The following FGF14 variants were observed in gnomAD, a reference collection of about 807,000 sequenced individuals.
The protein encoded by FGF14 is fibroblast growth factor 14.
Under a neutral mutation model 25.5 loss-of-function variants are expected in FGF14, and 5 were observed. That is an observed-to-expected ratio of 0.20 (90% confidence interval 0.10 to 0.41). The LOEUF is 0.41. FGF14 is among the 10% of genes least tolerant of loss of function. The probability of loss-of-function intolerance (pLI) is 1.00; values close to 1 mark genes in which losing one functional copy is unlikely to be tolerated. For missense variants in FGF14, 222 were observed against 320.1 expected (o/e 0.69, Z 2.34); for synonymous variants, 138 against 118.3 (o/e 1.17, Z -1.08).
At chr13:102,303,156 G>C (rs2055165345) in intron 1 of FGF14, among the ~76,000 whole-genome samples, 1 of 152,144 alleles carries the variant, frequency 6.6e-6, no homozygotes, top group African/African-American at 2.4e-5. Context: ...TGCGCTGGCT[G>C]CTCCCTTTGC....
At chr13:102,105,090 C>A (rs747987852) in intron 1 of FGF14, among the ~76,000 whole-genome samples, 7 of 152,120 alleles carry the variant, frequency 4.6e-5, no homozygotes, top group African/African-American at 7.2e-5. Context: ...CAAACACTTG[C>A]CCCACTATTG....
At position 101,800,061 on chromosome 13, in the gene FGF14, T is replaced by TA. The variant is rs200790153; in HGVS notation, c.408+68663dup. On this transcript the variant is annotated intron_variant, in intron 3 of 4. Coordinates refer to ENST00000376143, the MANE Select transcript of FGF14 (RefSeq NM_004115.4). ...CCACAGACACGTCTCCATAGAGACA[T>TA]AAAAAAAATGGCCCTTTATTTTAAT... Among the ~76,000 whole-genome samples, 580 of 151,954 alleles carry TA rather than the reference T, an allele frequency of 3.8e-3. 3 individuals are homozygous for TA. Among genetic ancestry groups the TA allele is most frequent in the African/African-American group, 0.013 (523 of 41,466 alleles).
intron 1 of FGF14, among the ~76,000 whole-genome samples, chr13:101,886,973 C>T (rs551768684): frequency 1.3e-5 from 2 of 152,058 alleles, no homozygotes; most frequent in South Asian, 2.1e-4. Context: ...CAGAAAAATG[C>T]AAATCAAAGC....
intron 3 of FGF14, among the ~76,000 whole-genome samples, chr13:101,853,081 A>C (rs1594487333): frequency 6.6e-6 from 1 of 152,082 alleles, no homozygotes; most frequent in Non-Finnish European, 1.5e-5. Flanking sequence ...GGTGTATAAG[A>C]GACACAATGA....
At chr13:101,810,134 T>A (rs1044994497) in intron 3 of FGF14, among the ~76,000 whole-genome samples, 1 of 152,162 alleles carries the variant, frequency 6.6e-6, no homozygotes, top group Non-Finnish European at 1.5e-5. Context: ...AATTTCTAGG[T>A]CCAAAAGTTG....
chr13:101,922,853 TCAAATGAA>T (rs2034101207), intron 1 of FGF14, among the ~76,000 whole-genome samples: 1 of 151,930 alleles, frequency 6.6e-6, no homozygotes, highest in Non-Finnish European at 1.5e-5. Flanking sequence ...TATTTATCCT[TCAAATGAA>T]CAAAAAAATC....
At chr13:101,759,026 G>T (rs924083490) in intron 3 of FGF14, among the ~76,000 whole-genome samples, 38 of 152,210 alleles carry the variant, frequency 2.5e-4, no homozygotes, top group African/African-American at 9.2e-4. Flanking sequence ...TTTAGAGCAT[G>T]CCAGAGCTCT....
chr13:102,191,765 A>G (rs1160530356), intron 1 of FGF14, among the ~76,000 whole-genome samples: 6 of 152,208 alleles, frequency 3.9e-5, no homozygotes, highest in African/African-American at 1.4e-4. Context: ...TCTAAATCAA[A>G]TATAAGTAAG....
intron 1 of FGF14, 82 bp from the exon 2 acceptor site, chr13:101,875,378 T>G: frequency 1.0e-6 from 1 of 960,322 alleles, no homozygotes; most frequent in South Asian, 1.3e-5. Context: ...CTTTCTTTTT[T>G]CAGAAGAGGA....
chr13:102,284,441 T>C (rs1331090680), intron 1 of FGF14, among the ~76,000 whole-genome samples: 1 of 152,150 alleles, frequency 6.6e-6, no homozygotes, highest in East Asian at 1.9e-4. Context: ...TTACTTTGGA[T>C]AAAGTTTAAC....
chr13:102,084,940 A>C (rs1261116022), intron 1 of FGF14, among the ~76,000 whole-genome samples: 1 of 152,210 alleles, frequency 6.6e-6, no homozygotes, highest in Non-Finnish European at 1.5e-5. Context: ...CTACTATCAC[A>C]AGTTTTGGAC....
intron 1 of FGF14, among the ~76,000 whole-genome samples, chr13:102,157,761 C>T (rs925345651): frequency 2.6e-5 from 4 of 152,122 alleles, no homozygotes; most frequent in African/African-American, 9.7e-5. Flanking sequence ...AAAGTTTTTG[C>T]AATCTACTCA....
At position 101,745,988 on chromosome 13, in the gene FGF14, GA is replaced by G. The variant is rs145275809; in HGVS notation, c.409-19179del. On this transcript the variant is annotated intron_variant, in intron 3 of 4. Transcript: ENST00000376143. ...TGTCCTAGAAAGAATGTGATAGAAAGAAAGAACAGATCAATTCAGCGGAGAT... is the reference window on the plus strand; with the variant it reads ...TGTCCTAGAAAGAATGTGATAGAAAGAAGAACAGATCAATTCAGCGGAGAT... Among the ~76,000 whole-genome samples, 57 of 152,144 alleles carry G rather than the reference GA, an allele frequency of 3.7e-4. No homozygotes were observed. The East Asian group carries it at 8.1e-3, about 22-fold the overall frequency.
chr13:102,080,829 A>T (rs76163059), intron 1 of FGF14, among the ~76,000 whole-genome samples: 1,651 of 152,292 alleles, frequency 0.011, 25 homozygotes, highest in African/African-American at 0.037. Context: ...TAGATTTGTC[A>T]TATTGTGCCA....
At chr13:102,213,178 TC>T (rs1253166734) in intron 1 of FGF14, among the ~76,000 whole-genome samples, 4 of 152,146 alleles carry the variant, frequency 2.6e-5, no homozygotes, top group Non-Finnish European at 5.9e-5. Flanking sequence ...ATACATCAAA[TC>T]AAGTGAACAA....
chr13:102,249,483 T>C (rs979013034), intron 1 of FGF14, among the ~76,000 whole-genome samples: 1 of 152,096 alleles, frequency 6.6e-6, no homozygotes, highest in Non-Finnish European at 1.5e-5. Flanking sequence ...GAGCAGACAG[T>C]GCGGAATGCA....
rs1566765771 is a variant in FGF14 at position 102,161,683 on chromosome 13, A to AT, written c.208+239787_208+239788insA. The stretch of plus-strand genomic sequence containing the variant: ...GAAGAAGAAGAAGAAGAAGAAGAAG[A>AT]AGAAGAAGAAGAAGAAGAAGAAGAA... On this transcript the variant is annotated intron_variant, in intron 1 of 4. Coordinates refer to the FGF14 transcript ENST00000376131. Among the ~76,000 whole-genome samples, 145 of 54,916 alleles carry AT rather than the reference A, an allele frequency of 2.6e-3. 3 individuals are homozygous for AT. The highest frequency in any genetic ancestry group is 6.4e-3 in the South Asian group (7 of 1,086). The allele number at this position is 54,916 out of a possible 152,430, so 36.0% of individuals were successfully genotyped here.
chr13:101,860,380 T>G (rs546709260), intron 3 of FGF14, among the ~76,000 whole-genome samples: 1 of 152,104 alleles, frequency 6.6e-6, no homozygotes, highest in East Asian at 1.9e-4. Context: ...AAAGGTGAGC[T>G]CTATGTATGG....
At chr13:101,825,773 C>T (rs1443603727) in intron 3 of FGF14, among the ~76,000 whole-genome samples, 3 of 152,116 alleles carry the variant, frequency 2.0e-5, no homozygotes, top group African/African-American at 7.2e-5. Context: ...TCAAGTGTCT[C>T]AAGCTATTTG....
Sources: gnomAD v4.1 joint callset for allele counts (sites outside exome capture counted in the v4.1 genomes callset) on GRCh38, gnomAD v4.1.1 for gene constraint, MANE v1.5 for transcripts, NCBI Gene and HGNC (gene_info 2026-07-23, HGNC 2026-07-21) for gene names.